Variants in TUBA3C observed in about 807,000 individuals in gnomAD.
TUBA3C encodes the protein tubulin alpha-3C chain.
TUBA3C carries 23 observed loss-of-function variants against 33.4 expected under a neutral mutation model. That is an observed-to-expected ratio of 0.69 (90% CI 0.50 to 0.98). The LOEUF (loss-of-function observed/expected upper bound fraction) is 0.98, where lower values mean the gene tolerates loss of function less well. Among genes scored for constraint, TUBA3C ranks in the 50% least tolerant of loss-of-function variants. The pLI, the probability that TUBA3C is intolerant of heterozygous loss-of-function variation, is 0.00. For synonymous variants in TUBA3C, 269 were observed against 250.4 expected, an observed-to-expected ratio of 1.07 and a Z score of -0.70; for missense variants, 402 against 616.0, an observed-to-expected ratio of 0.65 and a Z score of 3.68.
At chr13:19,180,633 CTGGGACTACAGGCCACTA>C (rs1869369585) in intron 1 of TUBA3C, among the ~76,000 whole-genome samples, 1 of 152,066 alleles carries the variant, frequency 6.6e-6, no homozygotes, top group Non-Finnish European at 1.5e-5. Flanking sequence ...TCCCACGTAG[CTGGGACTACAGGCCACTA>C]TGCCCAACTA....
rs36215755 is a variant in TUBA3C at position 19,178,062 on chromosome 13, G to A, written c.375+184C>T. Among the ~76,000 whole-genome samples the A allele has an allele frequency of 5.5e-3, 839 of 152,226 alleles. 12 individuals are homozygous for A. Among genetic ancestry groups the A allele is most frequent in the African/African-American group, 0.019 (809 of 41,550 alleles). On this transcript the variant is annotated intron_variant, in intron 3 of 4. Coordinates refer to ENST00000400113, the MANE Select transcript of TUBA3C (RefSeq NM_006001.3). ...GGGTTTCACCACGTTGGCCAGGCTGGTCTCAAACTCTTGACTTCAGGTGAC... is the reference window on the plus strand; with the variant it reads ...GGGTTTCACCACGTTGGCCAGGCTGATCTCAAACTCTTGACTTCAGGTGAC...
rs1238928009 is a variant in TUBA3C at position 19,173,989 on chromosome 13, C to A, written c.1227G>T (p.Val409=). The A allele has an allele frequency of 2.5e-6, 4 of 1,612,208 alleles. No homozygotes were observed. The highest frequency in any genetic ancestry group is 1.7e-5 in the Admixed American group (1 of 59,986). ...ACTCCCCCTCCTCCATGCCTTCTCC[C>A]ACGTACCAGTGCACAAAGGCCCGCT... ...YAKRAFVHWY[V]GEGMEEGEFS... is the part of the protein sequence containing the mutation. The change falls in exon 5 of 5, where the codon GTG becomes GTT. Residue 409 remains valine (V), a synonymous_variant. Transcript: ENST00000400113.
chr13:19,181,795 C>T lies in TUBA3C; in HGVS notation c.-48G>A. On this transcript the variant is annotated 5_prime_UTR_variant, in exon 1 of 5. Coordinates refer to ENST00000400113, the MANE Select transcript of TUBA3C (RefSeq NM_006001.3). ...GCCCAACGCTACTACTTGACCTCAA[C>T]CGCCGCTGCAGCTGCGCACGCCCAA... 1 of 1,598,530 alleles carries T rather than the reference C, an allele frequency of 6.3e-7. No individual in the cohort carries two copies.
rs766306245 is a variant in TUBA3C, at chr13:19,178,325, G to A, written c.296C>T (p.Ala99Val). Reference protein sequence around the residue: ...PEQLITGKEDAANNYARGHYT... With the variant: ...PEQLITGKEDVANNYARGHYT... ...ATGGCCTCTGGCGTAATTATTGGCC[G>A]CATCTTCCTTCCCGGTGATCAGCTG... The change falls in exon 3 of 5, where the codon GCG (alanine) becomes GTG (valine). Residue 99 changes from alanine to valine, a missense_variant. Transcript: ENST00000400113. 8 of 1,614,010 alleles carry A rather than the reference G, an allele frequency of 5.0e-6. No homozygotes were observed. Among genetic ancestry groups the A allele is most frequent in the African/African-American group, 1.3e-5 (1 of 74,918 alleles).
At chr13:19,181,705 C>G in intron 1 of TUBA3C, 40 bp downstream of exon 1, 1 of 1,601,260 alleles carries the variant, frequency 6.2e-7, no homozygotes, top group South Asian at 1.1e-5. Flanking sequence ...GTCCACCCTC[C>G]AGCCTGGGCG....
Position 19,177,842 on chromosome 13 carries a change from A to G in TUBA3C, c.376-235T>C, listed in dbSNP as rs1747038789. Among the ~76,000 whole-genome samples the G allele has an allele frequency of 3.0e-5, 4 of 132,308 alleles. No homozygotes were observed. The South Asian group carries it at 1.0e-3, about 33-fold the overall frequency. 86.8% of individuals were successfully genotyped at this position (132,308 alleles called of 152,430 possible). A position where few individuals can be genotyped will look rare whatever the true frequency, so the allele number is the denominator to read the frequency against. On this transcript the variant is annotated intron_variant, in intron 3 of 4. Transcript: ENST00000400113. This position sits in a 1 kb window ranked among gnomAD's most constrained non-coding sequence, Gnocchi z 5.0. ...CAATAGGACTCAAGATACTGTTCTA[A>G]GTTGTTTTTTTTTTTTTTTTTTTAG...
intron 4 of TUBA3C, among the ~76,000 whole-genome samples, chr13:19,175,375 CAAAA>C (rs780613399): frequency 6.6e-6 from 1 of 152,248 alleles, no homozygotes; most frequent in Non-Finnish European, 1.5e-5. Context: ...TCCACTGACA[CAAAA>C]GAAACCTTGC....
chr13:19,181,275 C>A (rs1017555638), intron 1 of TUBA3C, among the ~76,000 whole-genome samples: 1 of 152,004 alleles, frequency 6.6e-6, no homozygotes, highest in East Asian at 2.0e-4. Flanking sequence ...AGTGAGGAGC[C>A]CCTGACCTCA....
At chr13:19,180,307 T>TC in intron 1 of TUBA3C, among the ~76,000 whole-genome samples, 1 of 152,012 alleles carries the variant, frequency 6.6e-6, no homozygotes, top group Non-Finnish European at 1.5e-5. Flanking sequence ...AAGCACTCCC[T>TC]CCCCTCTACC....
intron 1 of TUBA3C, 94 bp downstream of exon 1, chr13:19,181,651 C>A: frequency 1.3e-6 from 2 of 1,570,478 alleles, no homozygotes; most frequent in South Asian, 2.2e-5. Flanking sequence ...CACCCTGGCC[C>A]GCAACAGCAT....
intron 1 of TUBA3C, among the ~76,000 whole-genome samples, chr13:19,180,961 CAA>C (rs532243124): frequency 4.0e-4 from 33 of 82,056 alleles, no homozygotes; most frequent in South Asian, 3.4e-3. Flanking sequence ...TGAGCCGTTT[CAA>C]AAAAAAAAAA....
rs1274383990 is a variant in TUBA3C at position 19,177,612 on chromosome 13, G to A, written c.376-5C>T. On this transcript the variant is annotated splice_polypyrimidine_tract_variant and splice_region_variant and intron_variant, in intron 3 of 4. Coordinates refer to ENST00000400113, the MANE Select transcript of TUBA3C (RefSeq NM_006001.3). This position sits in a 1 kb window ranked among gnomAD's most constrained non-coding sequence, Gnocchi z 5.0. ...CAGTCCCGTGCACAGATCCGCCTGA[G>A]GGAAACCAGACAACATGAATCAATG... 6.4e-7 allele frequency: 1 copy of A among 1,557,728 alleles called. No individual in the cohort carries two copies. The highest frequency in any genetic ancestry group is 1.9e-5 in the Admixed American group (1 of 51,982).
chr13:19,176,006 AGTGCTGGATTAT>A (rs1276552624), intron 4 of TUBA3C, among the ~76,000 whole-genome samples: 1 of 152,070 alleles, frequency 6.6e-6, no homozygotes, highest in Non-Finnish European at 1.5e-5. Flanking sequence ...GGCCTCCCAA[AGTGCTGGATTAT>A]AGGCATGGGC....
At chr13:19,176,686 A>G (rs2138954880) in intron 4 of TUBA3C, among the ~76,000 whole-genome samples, 1 of 129,244 alleles carries the variant, frequency 7.7e-6, no homozygotes, top group Admixed American at 1.0e-4. Flanking sequence ...AGATCACACC[A>G]CTTTACTCCA....
rs1869258371 is a variant in TUBA3C at position 19,177,869 on chromosome 13, T to G, written c.376-262A>C. ...TTGTTTTTTTTTTTTTTTTTTTAGA[T>G]AGAATCTCACTCTGTTGCCCAGGCC... On this transcript the variant is annotated intron_variant, in intron 3 of 4. Coordinates refer to ENST00000400113, the MANE Select transcript of TUBA3C (RefSeq NM_006001.3). The surrounding 1 kb of genome is among the most constrained non-coding windows in gnomAD (Gnocchi z 5.0). 7.1e-6 allele frequency among the ~76,000 whole-genome samples: 1 copy of G among 141,626 alleles called. No homozygotes were observed. The highest frequency in any genetic ancestry group is 2.6e-5 in the African/African-American group (1 of 37,880). The allele number at this position is 141,626 out of a possible 152,430, so 92.9% of individuals were successfully genotyped here. A position where few individuals can be genotyped will look rare whatever the true frequency, so the allele number is the denominator to read the frequency against.
intron 3 of TUBA3C, 103 bp downstream of exon 3, chr13:19,178,143 G>C: frequency 6.5e-7 from 1 of 1,531,338 alleles, no homozygotes; most frequent in Non-Finnish European, 8.9e-7. Flanking sequence ...ACCAGACCCA[G>C]CCAACGCACT....
Position 19,177,723 on chromosome 13 carries a change from A to G in TUBA3C, c.376-116T>C. The G allele has an allele frequency of 7.6e-7, 1 of 1,319,270 alleles. No individual in the cohort carries two copies. The allele number at this position is 1,319,270 out of a possible 1,614,324, so 81.7% of individuals were successfully genotyped here. A position where few individuals can be genotyped will look rare whatever the true frequency, so the allele number is the denominator to read the frequency against. On this transcript the variant is annotated intron_variant, in intron 3 of 4. Coordinates refer to ENST00000400113, the MANE Select transcript of TUBA3C (RefSeq NM_006001.3). The surrounding 1 kb of genome is among the most constrained non-coding windows in gnomAD (Gnocchi z 5.0). ...CTTGATATGGATTCCAATCATCCATAATAAACACGCAGTACACTCTGAAGC... is the reference window on the plus strand; with the variant it reads ...CTTGATATGGATTCCAATCATCCATGATAAACACGCAGTACACTCTGAAGC...
chr13:19,180,595 G>A (rs945947798), intron 1 of TUBA3C, among the ~76,000 whole-genome samples: 6 of 151,622 alleles, frequency 4.0e-5, no homozygotes, highest in East Asian at 2.0e-4. Flanking sequence ...TCTGCCTCCC[G>A]GGTTCAAGCA....
chr13:19,179,527 C>A lies in TUBA3C; in HGVS notation c.40G>T (p.Val14Phe). 6.2e-7 allele frequency: 1 copy of A among 1,614,248 alleles called. No individual in the cohort carries two copies. Reference sequence around the variant, plus strand: ...TCCCAGCAGGCATTGCCGATCTGGACTCCTGCCTGCCCCACGTGGATAGAG... The same window carrying A: ...TCCCAGCAGGCATTGCCGATCTGGAATCCTGCCTGCCCCACGTGGATAGAG... ...CISIHVGQAG[V>F]QIGNACWELY... Residue 14 changes from valine (V) to phenylalanine (F), a missense_variant, in exon 2 of 5, where the codon GTC (valine) becomes TTC (phenylalanine). Transcript: ENST00000400113.
Sources: allele counts gnomAD v4.1 joint callset (sites outside exome capture counted in the v4.1 genomes callset), GRCh38; gene constraint gnomAD v4.1.1; non-coding constraint Gnocchi (gnomAD v3.1); transcripts MANE v1.5; gene names NCBI Gene and HGNC (gene_info 2026-07-23, HGNC 2026-07-21).